The following RERG variants were observed in gnomAD, a reference collection of about 807,000 sequenced individuals.
RERG encodes ras-related and estrogen-regulated growth inhibitor.
In RERG, 25 loss-of-function variants were observed where a neutral mutation model predicts 23.2. That is an observed-to-expected ratio of 1.08 (90% confidence interval 0.79 to 1.50). The LOEUF (loss-of-function observed/expected upper bound fraction) is 1.50, where lower values mean the gene tolerates loss of function less well. RERG is among the 40% of genes most tolerant of loss of function. The pLI, the probability that RERG is intolerant of heterozygous loss-of-function variation, is 0.00. For missense variants in RERG, 253 were observed against 250.1 expected, an observed-to-expected ratio of 1.01 and a Z score of -0.08; for synonymous variants, 81 against 89.1, an observed-to-expected ratio of 0.91 and a Z score of 0.51.
intron 2 of RERG, among the ~76,000 whole-genome samples, chr12:15,156,001 A>AAT (rs539173302): frequency 8.4e-5 from 9 of 107,626 alleles, no homozygotes; most frequent in South Asian, 6.5e-4. Context: ...ATAATAAAAA[A>AAT]ATATATATAT....
intron 2 of RERG, among the ~76,000 whole-genome samples, chr12:15,129,490 T>C (rs1864006784): frequency 6.6e-6 from 1 of 152,246 alleles, no homozygotes; most frequent in Non-Finnish European, 1.5e-5. Flanking sequence ...CACATTCATT[T>C]AGTCAATAAA....
rs1591673895 is a variant in RERG, at chr12:15,215,373, A to C, written c.61+2056T>G. On this transcript the variant is annotated intron_variant, in intron 2 of 4. Transcript: ENST00000256953. ...TGAGAAGTGCGCAGACGAAGAGCAA[A>C]CCCATGAAAACAGCTAGTTAGGAGC... Among the ~76,000 whole-genome samples the C allele has an allele frequency of 3.3e-5, 5 of 152,278 alleles. 1 individual carries two copies. Among genetic ancestry groups the C allele is most frequent in the Admixed American group, 3.3e-4 (5 of 15,284 alleles).
intron 3 of RERG, among the ~76,000 whole-genome samples, chr12:15,115,267 T>C (rs764619940): frequency 6.6e-5 from 10 of 152,178 alleles, no homozygotes; most frequent in Non-Finnish European, 1.2e-4. Flanking sequence ...CAATGAAGTA[T>C]ATATTGCTAT....
At chr12:15,160,990 TC>T (rs1033565305) in intron 2 of RERG, among the ~76,000 whole-genome samples, 4 of 151,534 alleles carry the variant, frequency 2.6e-5, no homozygotes, top group Non-Finnish European at 4.4e-5. Flanking sequence ...CAAAAATTAC[TC>T]AGGTGTGGCG....
At chr12:15,170,817 A>C (rs780132971) in intron 2 of RERG, among the ~76,000 whole-genome samples, 3 of 152,212 alleles carry the variant, frequency 2.0e-5, no homozygotes, top group Non-Finnish European at 2.9e-5. Flanking sequence ...AACCACTTTT[A>C]AAAGTCTAAA....
At chr12:15,133,041 CTTT>C (rs762390855) in intron 2 of RERG, among the ~76,000 whole-genome samples, 1 of 103,354 alleles carries the variant, frequency 9.7e-6, no homozygotes. Context: ...AGTGTGGTAA[CTTT>C]TTTTTTTTTT....
At chr12:15,120,631 G>T (rs1368409695) in intron 3 of RERG, among the ~76,000 whole-genome samples, 1 of 151,942 alleles carries the variant, frequency 6.6e-6, no homozygotes, top group East Asian at 1.9e-4. Context: ...CGGATGTATT[G>T]GAGAGAAGAA....
chr12:15,178,172 T>G (rs1020539734), intron 2 of RERG, among the ~76,000 whole-genome samples: 1 of 152,162 alleles, frequency 6.6e-6, no homozygotes, highest in Non-Finnish European at 1.5e-5. Context: ...ATTAACAACT[T>G]GATTCTATAA....
rs35957298 is a variant in RERG, at chr12:15,187,467, A to G, written c.61+29962T>C. Among the ~76,000 whole-genome samples the G allele has an allele frequency of 2.0e-4, 31 of 152,264 alleles. No homozygotes were observed. In the East Asian group the frequency reaches 4.8e-3, roughly 24 times the overall value. On this transcript the variant is annotated intron_variant, in intron 2 of 4. Transcript: ENST00000256953. ...ACACTGATGGGTCTTAAGTTTGACAATGTCAGCTACAAACATGAATTAAGG... is the reference window on the plus strand; with the variant it reads ...ACACTGATGGGTCTTAAGTTTGACAGTGTCAGCTACAAACATGAATTAAGG...
At position 15,137,985 on chromosome 12, in the gene RERG, G is replaced by A. The variant is rs1864173536; in HGVS notation, c.62-16866C>T. On this transcript the variant is annotated intron_variant, in intron 2 of 4. Transcript: ENST00000256953. The stretch of plus-strand genomic sequence containing the variant: ...AATTCCTTCAATTTTTGTTGCCCAA[G>A]AAAGTCTTAATTTATCCTTCACTTT... 1.3e-5 allele frequency: 5 copies of A among 376,192 alleles called. 1 individual carries two copies. Among genetic ancestry groups the A allele is most frequent in the South Asian group, 1.0e-4 (5 of 48,874 alleles). 23.3% of individuals were successfully genotyped at this position (376,192 alleles called of 1,614,324 possible). A position where few individuals can be genotyped will look rare whatever the true frequency, so the allele number is the denominator to read the frequency against.
At chr12:15,136,239 G>A (rs1353387960) in intron 2 of RERG, among the ~76,000 whole-genome samples, 2 of 151,826 alleles carry the variant, frequency 1.3e-5, no homozygotes, top group Non-Finnish European at 2.9e-5. Context: ...GGGCTCTGTC[G>A]TGATATCTAT....
intron 2 of RERG, among the ~76,000 whole-genome samples, chr12:15,153,166 G>A (rs1413196530): frequency 1.3e-5 from 2 of 152,122 alleles, no homozygotes; most frequent in Non-Finnish European, 2.9e-5. Flanking sequence ...CTGGGTCAGT[G>A]TTTTTCCAGC....
intron 2 of RERG, among the ~76,000 whole-genome samples, chr12:15,172,621 A>G (rs985845715): frequency 6.6e-6 from 1 of 152,054 alleles, no homozygotes; most frequent in Admixed American, 6.6e-5. Context: ...AGTTTACCAC[A>G]TCCTTGCCAA....
In RERG at chr12:15,205,617, T is replaced by C. The variant is rs180971988; in HGVS notation, c.61+11812A>G. 1.6e-3 allele frequency among the ~76,000 whole-genome samples: 247 copies of C among 152,124 alleles called. 1 individual carries two copies. The highest frequency in any genetic ancestry group is 4.4e-3 in the African/African-American group (184 of 41,516). On this transcript the variant is annotated intron_variant, in intron 2 of 4. Transcript: ENST00000256953. ...AGTTGTTAGATTCAGTTGTAATTTA[T>C]GGGGTTCTTAGTGCAAAAATAACTC...
intron 2 of RERG, among the ~76,000 whole-genome samples, chr12:15,187,001 AT>A (rs1188740547): frequency 2.0e-5 from 3 of 152,112 alleles, no homozygotes; most frequent in Non-Finnish European, 4.4e-5. Flanking sequence ...CATGGGGATA[AT>A]TTGATTTCAA....
At chr12:15,122,889 T>TCCACC (rs1863860284) in intron 2 of RERG, among the ~76,000 whole-genome samples, 1 of 150,938 alleles carries the variant, frequency 6.6e-6, no homozygotes, top group African/African-American at 2.4e-5. Context: ...ATCTCCACCT[T>TCCACC]TCGGGTTCAA....
At chr12:15,176,933 A>C (rs1330016547) in intron 2 of RERG, among the ~76,000 whole-genome samples, 2 of 152,204 alleles carry the variant, frequency 1.3e-5, no homozygotes, top group African/African-American at 4.8e-5. Flanking sequence ...TAAATATTTT[A>C]AATATCAAGA....
intron 3 of RERG, chr12:15,114,598 A>G (rs1241585665): frequency 6.6e-6 from 1 of 152,228 alleles, no homozygotes; most frequent in East Asian, 1.9e-4. Context: ...ACTAGGTTAC[A>G]GGCAGCTTCT....
intron 2 of RERG, among the ~76,000 whole-genome samples, chr12:15,124,062 T>C (rs1490886532): frequency 6.6e-6 from 1 of 152,160 alleles, no homozygotes; most frequent in Non-Finnish European, 1.5e-5. Flanking sequence ...ATGAATTTTA[T>C]GATTATTAAT....
Sources: gnomAD v4.1 joint callset for allele counts (sites outside exome capture counted in the v4.1 genomes callset) on GRCh38, gnomAD v4.1.1 for gene constraint, MANE v1.5 for transcripts, NCBI Gene and HGNC (gene_info 2026-07-23, HGNC 2026-07-21) for gene names.